The following LYPLA1 variants were observed in gnomAD, a reference collection of about 807,000 sequenced individuals.
LYPLA1 encodes lysophospholipase 1, also known as acyl-protein thioesterase 1.
A neutral mutation model predicts 34.0 loss-of-function variants in LYPLA1; 17 were observed. That is an observed-to-expected ratio of 0.50 (90% CI 0.34 to 0.75). The LOEUF (loss-of-function observed/expected upper bound fraction) is 0.75, where lower values mean the gene tolerates loss of function less well. LYPLA1 is among the 30% of genes least tolerant of loss of function. The pLI, the probability that LYPLA1 is intolerant of heterozygous loss-of-function variation, is 0.01. For synonymous variants in LYPLA1, 98 were observed against 100.8 expected (o/e 0.97, Z 0.17); for missense variants, 203 against 288.8 (o/e 0.70, Z 2.15).
intron 2 of LYPLA1, among the ~76,000 whole-genome samples, chr8:54,069,292 G>A (rs1189291648): frequency 1.3e-5 from 2 of 152,116 alleles, no homozygotes; most frequent in African/African-American, 4.8e-5. Flanking sequence ...TTGAGGTGAT[G>A]GATATGCTAA....
At chr8:54,098,827 G>A (rs926060573) in intron 2 of LYPLA1, among the ~76,000 whole-genome samples, 1 of 152,208 alleles carries the variant, frequency 6.6e-6, no homozygotes, top group Non-Finnish European at 1.5e-5. Flanking sequence ...GGTAAGGGGA[G>A]ACTACAATAT....
At position 54,061,405 on chromosome 8, in the gene LYPLA1, C is replaced by A. The variant is rs190440786; in HGVS notation, c.286+849G>T. ...CGGCCAAAACTATATAAACATTCTG[C>A]TGTTTTCTCCATTTTCCTATGTAAA... On this transcript the variant is annotated intron_variant, in intron 5 of 8. Transcript: ENST00000316963. Among the ~76,000 whole-genome samples the A allele has an allele frequency of 4.3e-3, 649 of 152,312 alleles. 10 individuals are homozygous for A. Among genetic ancestry groups the A allele is most frequent in the South Asian group, 8.7e-3 (42 of 4,830 alleles).
chr8:54,098,623 G>C (rs1013953092), intron 2 of LYPLA1, among the ~76,000 whole-genome samples: 2 of 152,220 alleles, frequency 1.3e-5, no homozygotes, highest in African/African-American at 2.4e-5. Context: ...AGAGGTTGAA[G>C]GGAGCCGAGA....
At chr8:54,091,479 C>A (rs1470366075) in intron 2 of LYPLA1, among the ~76,000 whole-genome samples, 1 of 140,166 alleles carries the variant, frequency 7.1e-6, no homozygotes, top group Non-Finnish European at 1.6e-5. Flanking sequence ...AAGAGCAAAA[C>A]TGTCTCAAAA....
chr8:54,097,901 C>T (rs1809814240), intron 2 of LYPLA1, among the ~76,000 whole-genome samples: 2 of 152,204 alleles, frequency 1.3e-5, no homozygotes, highest in South Asian at 4.1e-4. Context: ...TTGGGGCCAT[C>T]ATTAAGCAAT....
intron 2 of LYPLA1, among the ~76,000 whole-genome samples, chr8:54,071,703 G>C (rs1807481399): frequency 6.6e-6 from 1 of 152,052 alleles, no homozygotes; most frequent in Admixed American, 6.6e-5. Flanking sequence ...TCTACAACAA[G>C]AATTACAAAA....
At chr8:54,043,765 TGGTTAGGCTGGTCTC>T (rs1805424326), downstream of LYPLA1, among the ~76,000 whole-genome samples, 16 of 152,200 alleles carry the variant, frequency 1.1e-4, no homozygotes, top group South Asian at 3.1e-3. Flanking sequence ...TTCACCACCT[TGGTTAGGCTGGTCTC>T]GAACTCCTGA....
chr8:54,048,381 G>A (rs1805617631), intron 8 of LYPLA1, among the ~76,000 whole-genome samples: 1 of 152,094 alleles, frequency 6.6e-6, no homozygotes, highest in Non-Finnish European at 1.5e-5. Context: ...AAGACACTGG[G>A]GGGCAGGGAA....
At chr8:54,089,586 T>C (rs1809068229) in intron 2 of LYPLA1, among the ~76,000 whole-genome samples, 1 of 150,724 alleles carries the variant, frequency 6.6e-6, no homozygotes, top group Non-Finnish European at 1.5e-5. Flanking sequence ...AATAAGTAAG[T>C]GGCAGGCCAG....
intron 2 of LYPLA1, among the ~76,000 whole-genome samples, chr8:54,092,186 G>A (rs1031378622): frequency 1.3e-5 from 2 of 151,050 alleles, no homozygotes; most frequent in African/African-American, 4.9e-5. Context: ...CGAAGTCAGG[G>A]GGAGGAGGAG....
chr8:54,069,647 T>G (rs566280724), intron 2 of LYPLA1, among the ~76,000 whole-genome samples: 1 of 151,656 alleles, frequency 6.6e-6, no homozygotes, highest in African/African-American at 2.4e-5. Flanking sequence ...GAGGCAGAGA[T>G]TGCAATGAGC....
Position 54,055,104 on chromosome 8 carries a change from T to C in LYPLA1, c.316A>G (p.Asn106Asp), listed in dbSNP as rs542068137. The C allele has an allele frequency of 6.2e-7, 1 of 1,610,172 alleles. No individual in the cohort carries two copies. The highest frequency in any genetic ancestry group is 1.3e-5 in the African/African-American group (1 of 74,946). The change falls in exon 6 of 9, where the codon AAT becomes GAT. Residue 106 changes from asparagine to aspartate, a missense_variant. Transcript: ENST00000316963. The part of the protein sequence containing the change: ...IKALIDQEVK[N>D]GIPSNRIILG... Reference sequence around the variant, plus strand: ...ATAATTCTGTTAGAAGGAATGCCATTCTTCACTTCTTGATCAATCAAAGCT... The same window carrying C: ...ATAATTCTGTTAGAAGGAATGCCATCCTTCACTTCTTGATCAATCAAAGCT...
At position 54,047,087 on chromosome 8, in the gene LYPLA1, A is replaced by T. The variant is rs1385077068; in HGVS notation, c.*978T>A. ...TTAGTTTTTAAGATCAGTCTTAAAG[A>T]TATTTCAGAACATACTAGAATATGA... On this transcript the variant is annotated 3_prime_UTR_variant, in exon 9 of 9. Transcript: ENST00000316963. 6.6e-6 allele frequency: 1 copy of T among 152,156 alleles called. No individual in the cohort carries two copies. Among genetic ancestry groups the T allele is most frequent in the African/African-American group, 2.4e-5 (1 of 41,454 alleles). The allele number at this position is 152,156 out of a possible 1,614,324, so 9.4% of individuals were successfully genotyped here.
At chr8:54,082,961 C>T (rs1362595133) in intron 2 of LYPLA1, among the ~76,000 whole-genome samples, 3 of 152,078 alleles carry the variant, frequency 2.0e-5, no homozygotes. Flanking sequence ...CTCCTGACCT[C>T]GTGATCCGCC....
At chr8:54,048,941 TA>T (rs1805656070) in intron 8 of LYPLA1, among the ~76,000 whole-genome samples, 1 of 152,218 alleles carries the variant, frequency 6.6e-6, no homozygotes, top group South Asian at 2.1e-4. Flanking sequence ...GACTCATCTA[TA>T]GAGCTTTTAT....
chr8:54,080,030 T>C (rs1808195624), intron 2 of LYPLA1, among the ~76,000 whole-genome samples: 1 of 152,162 alleles, frequency 6.6e-6, no homozygotes, highest in South Asian at 2.1e-4. Context: ...AACATTACAG[T>C]ATTATTTCAG....
chr8:54,097,628 T>C (rs1276290725), intron 2 of LYPLA1, among the ~76,000 whole-genome samples: 1 of 152,224 alleles, frequency 6.6e-6, no homozygotes, highest in Non-Finnish European at 1.5e-5. Flanking sequence ...TCACCCACAG[T>C]TTTGTTTTCC....
At position 54,085,197 on chromosome 8, in the gene LYPLA1, G is replaced by A. The variant is rs531056422; in HGVS notation, c.101+15711C>T. Reference sequence around the variant, plus strand: ...GAGACAGGGTTTCGCCGTGTTGGCCGGGCTGGTCTCCAGCTCCTGACCGCG... The same window carrying A: ...GAGACAGGGTTTCGCCGTGTTGGCCAGGCTGGTCTCCAGCTCCTGACCGCG... On this transcript the variant is annotated intron_variant, in intron 2 of 8. Coordinates refer to ENST00000316963, the MANE Select transcript of LYPLA1 (RefSeq NM_006330.4). 1.1e-4 allele frequency among the ~76,000 whole-genome samples: 17 copies of A among 152,332 alleles called. 1 individual carries two copies. The South Asian group carries it at 1.9e-3, about 17-fold the overall frequency.
intron 2 of LYPLA1, among the ~76,000 whole-genome samples, chr8:54,066,205 G>A (rs1195841416): frequency 1.3e-5 from 2 of 151,974 alleles, no homozygotes; most frequent in South Asian, 4.2e-4. Flanking sequence ...CCAAAGTGCT[G>A]GGAATACAGG....
Sources: gnomAD v4.1 joint callset for allele counts (sites outside exome capture counted in the v4.1 genomes callset) on GRCh38, gnomAD v4.1.1 for gene constraint, MANE v1.5 for transcripts, NCBI Gene and HGNC (gene_info 2026-07-23, HGNC 2026-07-21) for gene names.